CCDC34: variants seen among roughly 807,000 people sequenced by gnomAD.
CCDC34 encodes coiled-coil domain-containing protein 34.
Under a neutral mutation model 44.1 loss-of-function variants are expected in CCDC34, and 40 were observed. The ratio of observed to expected loss-of-function variants is 0.91; its 90% confidence interval spans 0.70 to 1.18. The LOEUF (loss-of-function observed/expected upper bound fraction) is 1.18, where lower values mean the gene tolerates loss of function less well. Ranked by LOEUF, CCDC34 falls within the 50% of genes most tolerant of loss-of-function variation. CCDC34 has a pLI of 0.00. For synonymous variants in CCDC34, 159 were observed against 158.2 expected (o/e 1.01, Z -0.04); for missense variants, 466 against 452.3 (o/e 1.03, Z -0.28).
intron 3 of CCDC34, among the ~76,000 whole-genome samples, chr11:27,342,600 T>C (rs751184544): frequency 6.6e-6 from 1 of 152,206 alleles, no homozygotes; most frequent in Non-Finnish European, 1.5e-5. Context: ...TGATCTACCA[T>C]CACCTGTATT....
chr11:27,352,612 T>C (rs2133346099), intron 2 of CCDC34, among the ~76,000 whole-genome samples: 1 of 152,234 alleles, frequency 6.6e-6, no homozygotes, highest in Non-Finnish European at 1.5e-5. Context: ...TAGTCCCAAA[T>C]TTTATTTTCA....
chr11:27,358,613 T>C (rs1458840876), intron 1 of CCDC34, among the ~76,000 whole-genome samples: 1 of 152,194 alleles, frequency 6.6e-6, no homozygotes, highest in Non-Finnish European at 1.5e-5. Flanking sequence ...ATTTCTTATA[T>C]GCGTCTTTCC....
intron 2 of CCDC34, among the ~76,000 whole-genome samples, chr11:27,356,449 T>G (rs1862578174): frequency 6.6e-6 from 1 of 152,088 alleles, no homozygotes. Context: ...CAGCCATTTT[T>G]AAATGTTATA....
chr11:27,342,413 C>A (rs11029960), intron 3 of CCDC34, among the ~76,000 whole-genome samples: 1 of 149,440 alleles, frequency 6.7e-6, no homozygotes, highest in Non-Finnish European at 1.5e-5. Flanking sequence ...ACACATATTT[C>A]CAGGACAGTT....
At chr11:27,353,314 T>TAA (rs201076257) in intron 2 of CCDC34, among the ~76,000 whole-genome samples, 1 of 142,078 alleles carries the variant, frequency 7.0e-6, no homozygotes, top group Non-Finnish European at 1.5e-5. Context: ...GCAAGATGGT[T>TAA]AAAAAAAAAA....
rs1433431599 is a variant in CCDC34 at position 27,363,110 on chromosome 11, AG to A, written c.84del (p.Ser29ProfsTer9). On this transcript the variant is annotated frameshift_variant, in exon 1 of 6. Coordinates refer to ENST00000328697, the MANE Select transcript of CCDC34 (RefSeq NM_030771.2). LOFTEE classifies it high-confidence loss of function. ...ATAGGGACTGAGCAGGAGTCCGAGG[AG>A]GGCCGAGACCTGGGTCTGCAGTCAG... The part of the protein sequence containing the change: ...FSADCRPRSR[P>X]SSDSCSVPMT... 10 of 1,591,844 alleles carry A rather than the reference AG, an allele frequency of 6.3e-6. No individual in the cohort carries two copies. Among genetic ancestry groups the A allele is most frequent in the Non-Finnish European group, 8.6e-6 (10 of 1,168,486 alleles).
intron 3 of CCDC34, among the ~76,000 whole-genome samples, chr11:27,345,111 T>C (rs1359547294): frequency 6.6e-6 from 1 of 152,172 alleles, no homozygotes; most frequent in Admixed American, 6.5e-5. Context: ...CTTGTCAATA[T>C]TGTTAGGACA....
intron 3 of CCDC34, 156 bp downstream of exon 3, chr11:27,350,176 G>C: frequency 1.9e-6 from 3 of 1,541,852 alleles, no homozygotes; most frequent in Non-Finnish European, 2.6e-6. Flanking sequence ...AGAAGATAGA[G>C]ACTTGATAAA....
intron 1 of CCDC34, 49 bp from the exon 2 acceptor site, chr11:27,357,590 T>G: frequency 6.3e-7 from 1 of 1,577,814 alleles, no homozygotes; most frequent in Non-Finnish European, 8.6e-7. Context: ...CTCTTTTGCT[T>G]CCTAGTCCAA....
At chr11:27,339,094 C>CTAAGGATCTAT in intron 5 of CCDC34, 59 bp from the exon 6 acceptor site, 1 of 1,226,884 alleles carries the variant, frequency 8.2e-7, no homozygotes, top group South Asian at 1.4e-5. Context: ...ATCAAAGAAG[C>CTAAGGATCTAT]CACTTAAAAC....
chr11:27,363,027 C>A lies in CCDC34; in HGVS notation c.168G>T (p.Pro56=). Residue 56 remains proline (P), a synonymous_variant, in exon 1 of 6, where the codon CCG becomes CCT. Transcript: ENST00000328697. The part of the protein sequence containing the change: ...EVVRSPSPPL[P]LSCSNSTRSL... Reference sequence around the variant, plus strand: ...ACCTGGTGGAATTGCTGCAGCTCAGCGGCAGCGGCGGCGACGGCGAGCGCA... The same window carrying A: ...ACCTGGTGGAATTGCTGCAGCTCAGAGGCAGCGGCGGCGACGGCGAGCGCA... The A allele has an allele frequency of 6.2e-7, 1 of 1,614,096 alleles. No individual in the cohort carries two copies. The highest frequency in any genetic ancestry group is 8.5e-7 in the Non-Finnish European group (1 of 1,180,002).
chr11:27,342,285 CAG>C (rs1862371354), intron 3 of CCDC34, among the ~76,000 whole-genome samples: 1 of 109,712 alleles, frequency 9.1e-6, no homozygotes. Context: ...CATTCTAAAA[CAG>C]GGGCTATATA....
intron 3 of CCDC34, chr11:27,349,077 A>C (rs912854366): frequency 2.3e-5 from 23 of 985,136 alleles, no homozygotes; most frequent in Middle Eastern, 5.2e-4. Flanking sequence ...CTAGACAAAC[A>C]ACAACTAGGT....
rs1237693133 is a variant in CCDC34 at position 27,350,321 on chromosome 11, C to T, written c.606+11G>A. 1 of 1,613,772 alleles carries T rather than the reference C, an allele frequency of 6.2e-7. No individual in the cohort carries two copies. Among genetic ancestry groups the T allele is most frequent in the Non-Finnish European group, 8.5e-7 (1 of 1,179,852 alleles). On this transcript the variant is annotated intron_variant, in intron 3 of 5. Coordinates refer to ENST00000328697, the MANE Select transcript of CCDC34 (RefSeq NM_030771.2). ...AGATGTCAATGTGTGTATCCATTTTCCCCTCCTTACTTGCTCATTCTTTTT... is the reference window on the plus strand; with the variant it reads ...AGATGTCAATGTGTGTATCCATTTTTCCCTCCTTACTTGCTCATTCTTTTT...
intron 3 of CCDC34, among the ~76,000 whole-genome samples, chr11:27,342,198 G>A (rs1453774500): frequency 2.0e-5 from 3 of 151,138 alleles, no homozygotes; most frequent in Non-Finnish European, 2.9e-5. Context: ...AAAATTTGTT[G>A]AATAAATGAT....
At chr11:27,350,179 T>C in intron 3 of CCDC34, 153 bp downstream of exon 3, 1 of 1,546,244 alleles carries the variant, frequency 6.5e-7, no homozygotes, top group Non-Finnish European at 8.7e-7. Context: ...AGATAGAGAC[T>C]TGATAAATGT....
rs1173549923 is a variant in CCDC34 at position 27,358,196 on chromosome 11, C to T, written c.360-655G>A. Among the ~76,000 whole-genome samples the T allele has an allele frequency of 2.0e-5, 3 of 152,182 alleles. No individual in the cohort carries two copies. The East Asian group carries it at 5.8e-4, about 29-fold the overall frequency. On this transcript the variant is annotated intron_variant, in intron 1 of 5. Transcript: ENST00000328697. Reference sequence around the variant, plus strand: ...CTCCTACCATAGTCTCCATCTCCACCATGCACCTCTGTCAGTCTGTCTCTT... The same window carrying T: ...CTCCTACCATAGTCTCCATCTCCACTATGCACCTCTGTCAGTCTGTCTCTT...
chr11:27,349,195 C>A (rs1862473053), intron 3 of CCDC34: 1 of 966,696 alleles, frequency 1.0e-6, no homozygotes, highest in African/African-American at 1.8e-5. Context: ...TTTATAGTTA[C>A]AAATTTCAAA....
At chr11:27,355,992 A>C (rs959665809) in intron 2 of CCDC34, among the ~76,000 whole-genome samples, 1 of 141,656 alleles carries the variant, frequency 7.1e-6, no homozygotes, top group East Asian at 2.3e-4. Context: ...AAGATCATGA[A>C]GCTTTTGTTC....
Sources: gnomAD v4.1 joint callset for allele counts (sites outside exome capture counted in the v4.1 genomes callset) on GRCh38, gnomAD v4.1.1 for gene constraint, MANE v1.5 for transcripts, NCBI Gene and HGNC (gene_info 2026-07-23, HGNC 2026-07-21) for gene names.